The following DPY19L4 variants were observed in gnomAD, a reference collection of about 807,000 sequenced individuals.
DPY19L4 encodes the protein dpy-19 like 4, also known as probable C-mannosyltransferase DPY19L4.
In DPY19L4, 97 loss-of-function variants were observed where a neutral mutation model predicts 102.8. That is an observed-to-expected ratio of 0.94 (90% CI 0.80 to 1.12). The LOEUF (loss-of-function observed/expected upper bound fraction) is 1.12. Ranked by LOEUF, DPY19L4 falls within the 50% of genes most tolerant of loss-of-function variation. The pLI is 0.00. For missense variants in DPY19L4, 815 were observed against 850.4 expected, an observed-to-expected ratio of 0.96 and a Z score of 0.52; for synonymous variants, 252 against 283.1, an observed-to-expected ratio of 0.89 and a Z score of 1.10.
chr8:94,780,351 T>C lies in DPY19L4; in HGVS notation c.1576-8T>C. 6.8e-7 allele frequency: 1 copy of C among 1,462,856 alleles called. No individual in the cohort carries two copies. The highest frequency in any genetic ancestry group is 9.2e-7 in the Non-Finnish European group (1 of 1,090,628). 90.6% of individuals were successfully genotyped at this position (1,462,856 alleles called of 1,614,324 possible). On this transcript the variant is annotated splice_polypyrimidine_tract_variant and splice_region_variant and intron_variant, in intron 14 of 18. Transcript: ENST00000414645. ...TTATTTGTAATCCTTTTTGCTTTAA[T>C]ATTTTAGGCTCTTATTCTGAGCATG...
chr8:94,753,539 G>C (rs1405622749), intron 6 of DPY19L4, among the ~76,000 whole-genome samples: 1 of 152,088 alleles, frequency 6.6e-6, no homozygotes, highest in East Asian at 1.9e-4. Flanking sequence ...ACAGAAAATG[G>C]TCAAAATATA....
At chr8:94,779,794 A>T (rs999776585) in intron 14 of DPY19L4, among the ~76,000 whole-genome samples, 1 of 152,176 alleles carries the variant, frequency 6.6e-6, no homozygotes, top group Non-Finnish European at 1.5e-5. Flanking sequence ...GTATGACTGG[A>T]TCACAGGGTC....
chr8:94,775,808 T>C (rs1813151087), intron 13 of DPY19L4, among the ~76,000 whole-genome samples: 1 of 151,986 alleles, frequency 6.6e-6, no homozygotes, highest in African/African-American at 2.4e-5. Flanking sequence ...TGAAATGTTA[T>C]TTTTTTTCTT....
chr8:94,759,595 C>T (rs937009126), intron 7 of DPY19L4, among the ~76,000 whole-genome samples: 3 of 147,002 alleles, frequency 2.0e-5, no homozygotes, highest in East Asian at 4.0e-4. Flanking sequence ...CAACCTCTGC[C>T]TCCCAGGTTC....
At chr8:94,748,581 C>G (rs1811780129) in intron 6 of DPY19L4, among the ~76,000 whole-genome samples, 1 of 152,046 alleles carries the variant, frequency 6.6e-6, no homozygotes, top group Admixed American at 6.6e-5. Context: ...GGAACCTGGC[C>G]TCACAGCAGG....
Position 94,726,770 on chromosome 8 carries a change from A to G in DPY19L4, c.127+329A>G, listed in dbSNP as rs144346124. 5.4e-4 allele frequency among the ~76,000 whole-genome samples: 83 copies of G among 152,308 alleles called. No individual in the cohort carries two copies. In the East Asian group the frequency reaches 8.7e-3, roughly 16 times the overall value. On this transcript the variant is annotated intron_variant, in intron 2 of 18. Coordinates refer to ENST00000414645, the MANE Select transcript of DPY19L4 (RefSeq NM_181787.3). ...AAAGTTTCTGCTGACCTGGCACACT[A>G]TCACTTGTACGCACCTTTTATTGGC...
intron 4 of DPY19L4, 125 bp from the exon 5 acceptor site, chr8:94,739,288 T>G (rs540864388): frequency 8.4e-7 from 1 of 1,188,092 alleles, no homozygotes; most frequent in African/African-American, 1.6e-5. Flanking sequence ...AAATGGAAAA[T>G]GCAGCATGGA....
intron 2 of DPY19L4, among the ~76,000 whole-genome samples, chr8:94,728,234 C>G (rs1810775660): frequency 6.6e-6 from 1 of 152,236 alleles, no homozygotes; most frequent in African/African-American, 2.4e-5. Context: ...GGAAAGCGGT[C>G]TCAGGCCTGC....
chr8:94,777,255 C>T (rs531103998), intron 13 of DPY19L4, among the ~76,000 whole-genome samples: 14 of 151,874 alleles, frequency 9.2e-5, no homozygotes, highest in Non-Finnish European at 1.3e-4. Flanking sequence ...TTGGTAGAGA[C>T]AGGGTTTCAC....
intron 2 of DPY19L4, among the ~76,000 whole-genome samples, chr8:94,733,346 C>T (rs1415075288): frequency 6.6e-6 from 1 of 151,706 alleles, no homozygotes; most frequent in East Asian, 1.9e-4. Context: ...AGGATGGTCT[C>T]GATCTCCTGA....
chr8:94,788,095 A>AAC, intron 18 of DPY19L4, 43 bp downstream of exon 18: 2 of 971,362 alleles, frequency 2.1e-6, no homozygotes, highest in Non-Finnish European at 2.6e-6. Context: ...ATATATATAT[A>AAC]TTTTTTTTTT....
intron 7 of DPY19L4, among the ~76,000 whole-genome samples, chr8:94,757,829 G>A (rs963137634): frequency 2.6e-5 from 4 of 152,098 alleles, no homozygotes; most frequent in Non-Finnish European, 4.4e-5. Context: ...CATATAGGCC[G>A]GGTGTGGTGG....
chr8:94,744,996 T>C (rs531698457), intron 6 of DPY19L4: 1 of 166,302 alleles, frequency 6.0e-6, no homozygotes, highest in African/African-American at 2.4e-5. Flanking sequence ...ATATGCTGTC[T>C]CTTTATTCAT....
chr8:94,747,554 CTT>C (rs1012621845), intron 6 of DPY19L4, among the ~76,000 whole-genome samples: 2 of 105,494 alleles, frequency 1.9e-5, no homozygotes, highest in South Asian at 3.0e-4. Context: ...TATGATGGTT[CTT>C]TTTTTTTTTT....
intron 18 of DPY19L4, 106 bp from the exon 19 acceptor site, chr8:94,789,640 A>G: frequency 9.9e-7 from 1 of 1,010,016 alleles, no homozygotes; most frequent in Non-Finnish European, 1.4e-6. Flanking sequence ...GACAATGTTT[A>G]GCAATAATGT....
chr8:94,767,166 G>A (rs1443885026), intron 11 of DPY19L4, among the ~76,000 whole-genome samples: 2 of 151,826 alleles, frequency 1.3e-5, no homozygotes, highest in Admixed American at 1.3e-4. Flanking sequence ...GACATTCTCA[G>A]TCCATCACTG....
At chr8:94,729,059 A>G (rs1290743013) in intron 2 of DPY19L4, among the ~76,000 whole-genome samples, 2 of 151,938 alleles carry the variant, frequency 1.3e-5, no homozygotes, top group Non-Finnish European at 2.9e-5. Context: ...GTCTTTTTCA[A>G]CCAATGAAAG....
Position 94,768,445 on chromosome 8 carries a change from CT to C in DPY19L4, c.1227del (p.Gln410LysfsTer7). On this transcript the variant is annotated frameshift_variant, in exon 12 of 19. Coordinates refer to ENST00000414645, the MANE Select transcript of DPY19L4 (RefSeq NM_181787.3). LOFTEE classifies it high-confidence loss of function. ...TGTCAAGAATCCCTGCAGGCACCAT[CT>C]CAAGATTTTTTTCTGCGATTGACAC... ...LLCQESLQAPSQDFFLRLTQS... is the reference protein window; with the variant it reads ...LLCQESLQAPXQDFFLRLTQS... The C allele has an allele frequency of 6.2e-7, 1 of 1,609,866 alleles. No homozygotes were observed. Among genetic ancestry groups the C allele is most frequent in the Non-Finnish European group, 8.5e-7 (1 of 1,178,706 alleles).
intron 1 of DPY19L4, 82 bp downstream of exon 1, chr8:94,720,096 G>A: frequency 6.8e-7 from 1 of 1,461,842 alleles, no homozygotes; most frequent in East Asian, 2.9e-5. Context: ...GTCTGGGTTG[G>A]AGCTGCTGGT....
Sources: gnomAD v4.1 joint callset for allele counts (sites outside exome capture counted in the v4.1 genomes callset) on GRCh38, gnomAD v4.1.1 for gene constraint, MANE v1.5 for transcripts, NCBI Gene and HGNC (gene_info 2026-07-23, HGNC 2026-07-21) for gene names.